The following TMEM108 variants were observed in gnomAD, a reference collection of about 807,000 sequenced individuals.
The protein encoded by TMEM108 is transmembrane protein 108.
In TMEM108, 12 loss-of-function variants were observed where a neutral mutation model predicts 35.1. The ratio of observed to expected loss-of-function variants is 0.34; its 90% confidence interval spans 0.22 to 0.55. TMEM108 has a LOEUF of 0.55. TMEM108 is among the 20% of genes least tolerant of loss of function. TMEM108 has a pLI of 0.89. For missense variants in TMEM108, 680 were observed against 753.3 expected, an observed-to-expected ratio of 0.90 and a Z score of 1.14; for synonymous variants, 287 against 308.6, an observed-to-expected ratio of 0.93 and a Z score of 0.73.
At position 133,371,613 on chromosome 3, in the gene TMEM108, C is replaced by CAAAAAAAAAAAAAAAA. The variant is rs3054624; in HGVS notation, c.41-8128_41-8113dup. On this transcript the variant is annotated intron_variant, in intron 3 of 5. Transcript: ENST00000321871. The stretch of plus-strand genomic sequence containing the variant: ...ATCACTGCAGCCAGTCACAAACCCA[C>CAAAAAAAAAAAAAAAA]AAAAAAAAAAAAAAAAAAAAAAAAA... 3.5e-4 allele frequency among the ~76,000 whole-genome samples: 27 copies of CAAAAAAAAAAAAAAAA among 78,096 alleles called. 2 individuals carry two copies. Among genetic ancestry groups the CAAAAAAAAAAAAAAAA allele is most frequent in the African/African-American group, 1.4e-3 (24 of 16,946 alleles). 51.2% of individuals were successfully genotyped at this position (78,096 alleles called of 152,430 possible).
intron 2 of TMEM108, among the ~76,000 whole-genome samples, chr3:133,196,714 G>A (rs1945583225): frequency 6.6e-6 from 1 of 152,112 alleles, no homozygotes; most frequent in Admixed American, 6.5e-5. Context: ...CAACATTCAG[G>A]GCTGCTGAGT....
intron 3 of TMEM108, among the ~76,000 whole-genome samples, chr3:133,367,230 G>A (rs1201006469): frequency 6.6e-6 from 1 of 152,200 alleles, no homozygotes; most frequent in Admixed American, 6.5e-5. Context: ...GTCATTCTCA[G>A]GATAGGCTTA....
At chr3:133,281,269 A>G (rs2107688686) in intron 3 of TMEM108, among the ~76,000 whole-genome samples, 1 of 152,324 alleles carries the variant, frequency 6.6e-6, no homozygotes, top group African/African-American at 2.4e-5. Context: ...AAGCGGGAAA[A>G]TGAGAGCCAG....
At chr3:133,315,316 G>A (rs542510900) in intron 3 of TMEM108, among the ~76,000 whole-genome samples, 12 of 151,532 alleles carry the variant, frequency 7.9e-5, no homozygotes, top group African/African-American at 2.4e-4. Flanking sequence ...GAGCTTTTGA[G>A]TCCTGCTTTA....
At chr3:133,149,961 A>G (rs1944774520) in intron 2 of TMEM108, among the ~76,000 whole-genome samples, 1 of 152,124 alleles carries the variant, frequency 6.6e-6, no homozygotes. Flanking sequence ...GGGAGTGCAC[A>G]TATCTCTTTG....
At chr3:133,339,659 C>T (rs2086760113) in intron 3 of TMEM108, among the ~76,000 whole-genome samples, 1 of 151,818 alleles carries the variant, frequency 6.6e-6, no homozygotes, top group African/African-American at 2.4e-5. Context: ...ATATTCCTTT[C>T]CTCAACATAT....
chr3:133,240,259 A>AG (rs777343539), intron 3 of TMEM108, among the ~76,000 whole-genome samples: 30 of 152,302 alleles, frequency 2.0e-4, no homozygotes, highest in South Asian at 8.3e-4. Context: ...AATTTGAGGA[A>AG]GTGACTCTTT....
At chr3:133,257,545 A>G (rs1034083464) in intron 3 of TMEM108, among the ~76,000 whole-genome samples, 12 of 152,200 alleles carry the variant, frequency 7.9e-5, no homozygotes, top group Non-Finnish European at 1.8e-4. Flanking sequence ...AACCTAAAGA[A>G]GTATTGTGTT....
chr3:133,194,730 G>T (rs941485650), intron 2 of TMEM108, among the ~76,000 whole-genome samples: 3 of 152,106 alleles, frequency 2.0e-5, no homozygotes, highest in African/African-American at 7.2e-5. Context: ...TATGTTAAAG[G>T]CTTTAGATCT....
At chr3:133,304,239 T>A (rs537348928) in intron 3 of TMEM108, among the ~76,000 whole-genome samples, 2 of 152,330 alleles carry the variant, frequency 1.3e-5, no homozygotes, top group East Asian at 3.9e-4. Flanking sequence ...GACAGTGGTT[T>A]ATGGACATTC....
chr3:133,043,387 A>G (rs966325227), intron 1 of TMEM108, among the ~76,000 whole-genome samples: 5 of 152,184 alleles, frequency 3.3e-5, no homozygotes, highest in Non-Finnish European at 7.3e-5. Context: ...TGTTAGGGGT[A>G]AGATATGGGG....
chr3:133,078,623 C>A (rs1301208752), intron 2 of TMEM108, among the ~76,000 whole-genome samples: 1 of 152,146 alleles, frequency 6.6e-6, no homozygotes, highest in Non-Finnish European at 1.5e-5. Context: ...AGTAGTTAAT[C>A]AACTCAAGAA....
At chr3:133,359,038 C>T (rs891002353) in intron 3 of TMEM108, among the ~76,000 whole-genome samples, 17 of 152,162 alleles carry the variant, frequency 1.1e-4, no homozygotes, top group Middle Eastern at 3.2e-3. Flanking sequence ...TCATTTACAT[C>T]AGATCTGTGG....
chr3:133,063,744 C>T (rs761759924), intron 2 of TMEM108, among the ~76,000 whole-genome samples: 5 of 152,102 alleles, frequency 3.3e-5, no homozygotes, highest in Non-Finnish European at 5.9e-5. Context: ...GAAAGGACAG[C>T]ACCCAGGGTT....
chr3:133,122,145 G>A (rs1244895001), intron 2 of TMEM108, among the ~76,000 whole-genome samples: 1 of 151,980 alleles, frequency 6.6e-6, no homozygotes, highest in Non-Finnish European at 1.5e-5. Flanking sequence ...TTTAGCAGCA[G>A]GAGTTACTTC....
intron 2 of TMEM108, among the ~76,000 whole-genome samples, chr3:133,081,350 G>A (rs1193887748): frequency 1.3e-5 from 2 of 152,194 alleles, no homozygotes; most frequent in South Asian, 2.1e-4. Flanking sequence ...ACGGCAGAAA[G>A]GGAAAGAATA....
At chr3:133,379,691 A>C in intron 3 of TMEM108, 61 bp from the exon 4 acceptor site, 1 of 1,530,514 alleles carries the variant, frequency 6.5e-7, no homozygotes, top group Non-Finnish European at 8.9e-7. Flanking sequence ...CAGGTAAGAA[A>C]GGCCCAGGCT....
chr3:133,069,637 C>T (rs1943652583), intron 2 of TMEM108, among the ~76,000 whole-genome samples: 1 of 152,160 alleles, frequency 6.6e-6, no homozygotes. Flanking sequence ...CCTTAGCCTG[C>T]CCTTAAGGTA....
chr3:133,156,916 C>T lies in TMEM108; in HGVS notation c.-46-72350C>T, dbSNP rs370494426. On this transcript the variant is annotated intron_variant, in intron 2 of 5. Coordinates refer to ENST00000321871, the MANE Select transcript of TMEM108 (RefSeq NM_023943.4). ...GAAGCCATGTGAAGCCTTAATTCAC[C>T]GGGGGTCCCTTGAGTGCCTATGATG... 1.1e-4 allele frequency among the ~76,000 whole-genome samples: 16 copies of T among 152,202 alleles called. No individual in the cohort carries two copies. The East Asian group carries it at 1.3e-3, about 13-fold the overall frequency.
Sources: allele counts gnomAD v4.1 joint callset (sites outside exome capture counted in the v4.1 genomes callset), GRCh38; gene constraint gnomAD v4.1.1; transcripts MANE v1.5; gene names NCBI Gene and HGNC (gene_info 2026-07-23, HGNC 2026-07-21).